The following HADHA variants were observed in gnomAD, a reference collection of about 807,000 sequenced individuals.
HADHA encodes hydroxyacyl-CoA dehydrogenase trifunctional multienzyme complex subunit alpha.
In HADHA, 59 loss-of-function variants were observed where a neutral mutation model predicts 91.3. The observed-to-expected ratio is 0.65, with a 90% CI of 0.52 to 0.80. HADHA has a LOEUF of 0.80. Among genes scored for constraint, HADHA ranks in the 30% least tolerant of loss-of-function variants. The pLI is 0.00. For missense variants in HADHA, 800 were observed against 927.6 expected (o/e 0.86, Z 1.79); for synonymous variants, 320 against 338.9 (o/e 0.94, Z 0.61).
At position 26,209,795 on chromosome 2, in the gene HADHA, G is replaced by C; in HGVS notation, c.1070C>G (p.Pro357Arg). 1 of 1,548,672 alleles carries C rather than the reference G, an allele frequency of 6.5e-7. No individual in the cohort carries two copies. Among genetic ancestry groups the C allele is most frequent in the Non-Finnish European group, 8.9e-7 (1 of 1,120,474 alleles). ...VLCKKNKFGA[P>R]QKDVKHLAIL... ...TTTAACTTACTTAACATCCTTCTGT[G>C]GAGCTCCAAATTTATTCTTCTTGCA... The change falls in exon 11 of 20, where the codon CCA (proline) becomes CGA (arginine). Residue 357 changes from proline to arginine, a missense_variant. Transcript: ENST00000380649.
At chr2:26,223,961 G>C (rs1262902599) in intron 7 of HADHA, among the ~76,000 whole-genome samples, 2 of 152,146 alleles carry the variant, frequency 1.3e-5, no homozygotes, top group Non-Finnish European at 2.9e-5. Context: ...TGGCCAGGCT[G>C]GTCTCGAACT....
At chr2:26,202,553 C>CATT (rs1669871799) in intron 12 of HADHA, among the ~76,000 whole-genome samples, 1 of 152,168 alleles carries the variant, frequency 6.6e-6, no homozygotes, top group Non-Finnish European at 1.5e-5. Flanking sequence ...CAAGCCTAAC[C>CATT]AACATGGTGA....
At chr2:26,200,063 C>G (rs1669790746) in intron 13 of HADHA, among the ~76,000 whole-genome samples, 2 of 152,186 alleles carry the variant, frequency 1.3e-5, no homozygotes, top group African/African-American at 4.8e-5. Flanking sequence ...ACGGGGTGGT[C>G]TAGAGATCAT....
chr2:26,191,039 A>C lies in HADHA; in HGVS notation c.*211T>G, dbSNP rs1037202569. ...GCTTATACAATGAGCAGTGGGCTCT[A>C]CCTTCCAACAGGAAGTGCAAACTAA... On this transcript the variant is annotated 3_prime_UTR_variant, in exon 20 of 20. Transcript: ENST00000380649. The C allele has an allele frequency of 7.8e-6, 5 of 637,486 alleles. No homozygotes were observed. Among genetic ancestry groups the C allele is most frequent in the Non-Finnish European group, 1.4e-5 (5 of 353,264 alleles). 39.5% of individuals were successfully genotyped at this position (637,486 alleles called of 1,614,324 possible).
At chr2:26,201,861 C>T (rs2147760321) in intron 12 of HADHA, among the ~76,000 whole-genome samples, 1 of 151,754 alleles carries the variant, frequency 6.6e-6, no homozygotes, top group African/African-American at 2.4e-5. Flanking sequence ...GTGGCGTGAT[C>T]TCAGCTCACT....
intron 7 of HADHA, among the ~76,000 whole-genome samples, chr2:26,222,998 C>G (rs1670407943): frequency 6.6e-6 from 1 of 152,160 alleles, no homozygotes; most frequent in Non-Finnish European, 1.5e-5. Flanking sequence ...GGAGAGCAAA[C>G]AGAAATTACC....
intron 16 of HADHA, among the ~76,000 whole-genome samples, chr2:26,194,349 C>T (rs1317895740): frequency 6.6e-6 from 1 of 152,078 alleles, no homozygotes; most frequent in Admixed American, 6.5e-5. Context: ...CTTGCTGGAA[C>T]AGTGAGGAGG....
At position 26,192,016 on chromosome 2, in the gene HADHA, C is replaced by T. The variant is rs577984811; in HGVS notation, c.2000+294G>A. Among the ~76,000 whole-genome samples the T allele has an allele frequency of 1.4e-3, 210 of 152,274 alleles. 1 individual carries two copies. The highest frequency in any genetic ancestry group is 3.9e-3 in the Admixed American group (60 of 15,300). ...GGCTGGAGCAGGGGAGGGCCTTCAC[C>T]AGACGTGGCCTGGTTCTCACCTAGA... On this transcript the variant is annotated intron_variant, in intron 18 of 19. Coordinates refer to ENST00000380649, the MANE Select transcript of HADHA (RefSeq NM_000182.5).
chr2:26,209,768 A>C lies in HADHA; in HGVS notation c.1085+12T>G. On this transcript the variant is annotated intron_variant, in intron 11 of 19. Transcript: ENST00000380649. The stretch of plus-strand genomic sequence containing the variant: ...AAATTCACAAGGGCTTCCTACGTAG[A>C]GTTTAACTTACTTAACATCCTTCTG... 4 of 1,282,882 alleles carry C rather than the reference A, an allele frequency of 3.1e-6. No homozygotes were observed. Among genetic ancestry groups the C allele is most frequent in the Non-Finnish European group, 4.6e-6 (4 of 877,732 alleles). 79.5% of individuals were successfully genotyped at this position (1,282,882 alleles called of 1,614,324 possible).
In HADHA at chr2:26,210,380, C is replaced by G. The variant is rs1486406007; in HGVS notation, c.976-491G>C. Reference sequence around the variant, plus strand: ...TTTTTTTTTGAGATGGAGTCTCGCACTGTCACCCAGGCTGGAGTGCAGTGG... The same window carrying G: ...TTTTTTTTTGAGATGGAGTCTCGCAGTGTCACCCAGGCTGGAGTGCAGTGG... On this transcript the variant is annotated intron_variant, in intron 10 of 19. Coordinates refer to ENST00000380649, the MANE Select transcript of HADHA (RefSeq NM_000182.5). The surrounding 1 kb of genome is among the most constrained non-coding windows in gnomAD (Gnocchi z 4.0). Among the ~76,000 whole-genome samples the G allele has an allele frequency of 6.6e-6, 1 of 152,178 alleles. No homozygotes were observed. The highest frequency in any genetic ancestry group is 1.5e-5 in the Non-Finnish European group (1 of 68,022).
In HADHA at chr2:26,197,679, T is replaced by A; in HGVS notation, c.1479+12A>T. 1 of 1,231,034 alleles carries A rather than the reference T, an allele frequency of 8.1e-7. No individual in the cohort carries two copies. The highest frequency in any genetic ancestry group is 1.2e-6 in the Non-Finnish European group (1 of 829,810). 76.3% of individuals were successfully genotyped at this position (1,231,034 alleles called of 1,614,324 possible). A position where few individuals can be genotyped will look rare whatever the true frequency, so the allele number is the denominator to read the frequency against. ...TAAAACATCTCAGGGTTTTTCTCTGTTCCGAGTTTACCTTCTCAGGTCTTT... is the reference window on the plus strand; with the variant it reads ...TAAAACATCTCAGGGTTTTTCTCTGATCCGAGTTTACCTTCTCAGGTCTTT... On this transcript the variant is annotated intron_variant, in intron 14 of 19. Transcript: ENST00000380649.
chr2:26,220,370 A>G (rs1434615057), intron 7 of HADHA, among the ~76,000 whole-genome samples: 1 of 152,238 alleles, frequency 6.6e-6, no homozygotes. Flanking sequence ...AAAAGCCACT[A>G]AAACTGCCTC....
intron 9 of HADHA, among the ~76,000 whole-genome samples, chr2:26,213,898 T>C (rs930207543): frequency 6.6e-6 from 1 of 152,224 alleles, no homozygotes; most frequent in African/African-American, 2.4e-5. Flanking sequence ...ACTCTCTTAA[T>C]CTTGGACTTT....
intron 7 of HADHA, among the ~76,000 whole-genome samples, chr2:26,227,459 C>T (rs1456644078): frequency 6.6e-6 from 1 of 151,628 alleles, no homozygotes. Context: ...TTGCAGTGAG[C>T]CAAAATTGTT....
At chr2:26,212,379 G>A (rs894711912) in intron 10 of HADHA, 191 bp downstream of exon 10, 121 of 618,818 alleles carry the variant, frequency 2.0e-4, no homozygotes, top group Middle Eastern at 1.3e-3. Context: ...AAACCACCAC[G>A]CCTGGCCCCA....
intron 14 of HADHA, among the ~76,000 whole-genome samples, chr2:26,197,043 T>C (rs1299543004): frequency 1.3e-5 from 2 of 152,252 alleles, no homozygotes; most frequent in Non-Finnish European, 2.9e-5. Context: ...GTATTAACAC[T>C]TTCAGCTGCT....
chr2:26,198,560 AC>A (rs916853449), intron 13 of HADHA, among the ~76,000 whole-genome samples: 1 of 152,072 alleles, frequency 6.6e-6, no homozygotes, highest in African/African-American at 2.4e-5. Flanking sequence ...CAGAATCCTA[AC>A]AGAGATGAGA....
intron 1 of HADHA, among the ~76,000 whole-genome samples, chr2:26,242,135 C>T (rs971186809): frequency 3.3e-5 from 5 of 152,126 alleles, no homozygotes; most frequent in Admixed American, 3.3e-4. Context: ...AGTGATCTGC[C>T]CGCCTTGGCC....
At chr2:26,193,090 TCTC>T (rs1430179367) in intron 17 of HADHA, among the ~76,000 whole-genome samples, 1 of 151,994 alleles carries the variant, frequency 6.6e-6, no homozygotes, top group African/African-American at 2.4e-5. Flanking sequence ...GCTTATACAT[TCTC>T]CTCACAGGTG....
Sources: allele counts gnomAD v4.1 joint callset (sites outside exome capture counted in the v4.1 genomes callset), GRCh38; gene constraint gnomAD v4.1.1; non-coding constraint Gnocchi (gnomAD v3.1); transcripts MANE v1.5; gene names NCBI Gene and HGNC (gene_info 2026-07-23, HGNC 2026-07-21).